Variants in SOS1 observed in about 807,000 individuals in gnomAD.
SOS1 encodes the protein SOS Ras/Rac guanine nucleotide exchange factor 1.
In SOS1, 25 loss-of-function variants were observed where a neutral mutation model predicts 157.6. The observed-to-expected ratio is 0.16, with a 90% CI of 0.12 to 0.22. SOS1 has a LOEUF of 0.22. Ranked by LOEUF, SOS1 falls within the 10% of genes least tolerant of loss-of-function variation. SOS1 has a pLI of 1.00. For synonymous variants in SOS1, 528 were observed against 534.0 expected (o/e 0.99, Z 0.16); for missense variants, 1,237 against 1,599.1 (o/e 0.77, Z 3.86).
intron 19 of SOS1, among the ~76,000 whole-genome samples, chr2:38,996,339 C>T (rs1668890854): frequency 6.6e-6 from 1 of 152,222 alleles, no homozygotes; most frequent in Admixed American, 6.5e-5. Context: ...ATCCACCCGC[C>T]TCAGCTTCCC....
chr2:39,032,284 C>T (rs539441543), intron 8 of SOS1, among the ~76,000 whole-genome samples: 46 of 152,270 alleles, frequency 3.0e-4, no homozygotes, highest in Non-Finnish European at 5.3e-4. Flanking sequence ...TCTCCCTACT[C>T]CCCTACCCTC....
intron 1 of SOS1, among the ~76,000 whole-genome samples, chr2:39,118,176 G>T (rs1342024827): frequency 2.0e-5 from 3 of 152,218 alleles, no homozygotes; most frequent in African/African-American, 7.2e-5. Flanking sequence ...GACAGTTCAG[G>T]TTGAGTGAGT....
intron 4 of SOS1, among the ~76,000 whole-genome samples, 179 bp downstream of exon 4, chr2:39,056,523 T>G (rs1671218664): frequency 6.6e-6 from 1 of 152,240 alleles, no homozygotes; most frequent in Non-Finnish European, 1.5e-5. Context: ...TAAACACATT[T>G]TAATATTATA....
chr2:39,004,673 G>C (rs1273355334), intron 17 of SOS1, among the ~76,000 whole-genome samples: 2 of 152,044 alleles, frequency 1.3e-5, no homozygotes, highest in Non-Finnish European at 2.9e-5. Flanking sequence ...AGAAAGGACA[G>C]ATGGTAGAAT....
At chr2:39,044,864 G>GCGCACACC (rs147443441) in intron 6 of SOS1, among the ~76,000 whole-genome samples, 1 of 147,660 alleles carries the variant, frequency 6.8e-6, no homozygotes, top group East Asian at 2.0e-4. Context: ...GCGCGCGCGC[G>GCGCACACC]CACACACACA....
At chr2:38,995,959 C>G (rs1291516495) in intron 19 of SOS1, among the ~76,000 whole-genome samples, 1 of 152,004 alleles carries the variant, frequency 6.6e-6, no homozygotes, top group Non-Finnish European at 1.5e-5. Flanking sequence ...ATTTTTAATC[C>G]ATCTTATTAA....
At chr2:39,058,596 A>G in intron 3 of SOS1, 77 bp downstream of exon 3, 1 of 1,467,010 alleles carries the variant, frequency 6.8e-7, no homozygotes, top group East Asian at 2.3e-5. Flanking sequence ...ATTATCCATA[A>G]AATATATTCT....
In SOS1 at chr2:38,989,327, A is replaced by C. The variant is rs1668656761; in HGVS notation, c.3347-13T>G. The C allele has an allele frequency of 6.3e-7, 1 of 1,594,698 alleles. No homozygotes were observed. Among genetic ancestry groups the C allele is most frequent in the South Asian group, 1.1e-5 (1 of 90,674 alleles). ...ACGGTATCATTGCCTGTGAAAGGAA[A>C]CAAGAAAAAGTAGATTTTTTTCTTT... On this transcript the variant is annotated splice_polypyrimidine_tract_variant and intron_variant, in intron 20 of 22. Transcript: ENST00000402219.
At chr2:39,049,716 T>C (rs1670929129) in intron 6 of SOS1, among the ~76,000 whole-genome samples, 1 of 152,224 alleles carries the variant, frequency 6.6e-6, no homozygotes, top group Non-Finnish European at 1.5e-5. Context: ...AACCAGAACC[T>C]GCTCTTAAAA....
In SOS1 at chr2:39,010,043, C is replaced by T. The variant is rs568776503; in HGVS notation, c.2510+541G>A. The stretch of plus-strand genomic sequence containing the variant: ...GAAATAAAATTGCATTGGTCAGGAG[C>T]GATGGCTCACGCCTGTAATCCCAGC... On this transcript the variant is annotated intron_variant, in intron 15 of 22. Coordinates refer to ENST00000402219, the MANE Select transcript of SOS1 (RefSeq NM_005633.4). Among the ~76,000 whole-genome samples the T allele has an allele frequency of 7.2e-5, 11 of 152,068 alleles. No individual in the cohort carries two copies. The East Asian group carries it at 7.7e-4, about 11-fold the overall frequency.
chr2:39,061,140 T>C (rs777630737), intron 2 of SOS1, among the ~76,000 whole-genome samples: 1 of 149,802 alleles, frequency 6.7e-6, no homozygotes, highest in Non-Finnish European at 1.5e-5. Context: ...TAATGAAGCA[T>C]AGCACATTTT....
At chr2:38,997,564 T>G in intron 17 of SOS1, 139 bp from the exon 18 acceptor site, 1 of 570,746 alleles carries the variant, frequency 1.8e-6, no homozygotes, top group East Asian at 2.9e-5. Context: ...TTCCATGATA[T>G]GAAAACAGCA....
At chr2:39,077,445 A>G (rs918727396) in intron 1 of SOS1, among the ~76,000 whole-genome samples, 12 of 152,190 alleles carry the variant, frequency 7.9e-5, no homozygotes, top group Non-Finnish European at 1.6e-4. Flanking sequence ...CAATTGTCCT[A>G]TACTCTAAAC....
At chr2:39,113,833 C>A (rs1286747560) in intron 1 of SOS1, among the ~76,000 whole-genome samples, 1 of 152,198 alleles carries the variant, frequency 6.6e-6, no homozygotes, top group Non-Finnish European at 1.5e-5. Flanking sequence ...AAATGTCTTA[C>A]CCAATCTTGA....
chr2:38,993,733 C>T (rs951359148), intron 20 of SOS1: 1 of 152,134 alleles, frequency 6.6e-6, no homozygotes, highest in Admixed American at 6.5e-5. Flanking sequence ...ATTCTAACTT[C>T]GAGGTTAGTG....
intron 1 of SOS1, among the ~76,000 whole-genome samples, chr2:39,068,685 T>C (rs1365302570): frequency 6.6e-6 from 1 of 151,164 alleles, no homozygotes; most frequent in Non-Finnish European, 1.5e-5. Flanking sequence ...TCCTCAACCA[T>C]TTCTTTAATT....
At chr2:39,101,871 G>A (rs548148963) in intron 1 of SOS1, among the ~76,000 whole-genome samples, 1 of 152,014 alleles carries the variant, frequency 6.6e-6, no homozygotes, top group Non-Finnish European at 1.5e-5. Flanking sequence ...TTTATGACCT[G>A]CCTATGTATT....
chr2:38,986,461 AT>A, intron 22 of SOS1, 146 bp from the exon 23 acceptor site: 3 of 824,700 alleles, frequency 3.6e-6, no homozygotes, highest in Non-Finnish European at 3.6e-6. Flanking sequence ...TTTCTTTTTA[AT>A]TAAAAAAAAA....
At chr2:39,012,384 T>C (rs1228250439) in intron 13 of SOS1, 36 bp from the exon 14 acceptor site, 1 of 920,600 alleles carries the variant, frequency 1.1e-6, no homozygotes, top group African/African-American at 1.7e-5. Flanking sequence ...CATTTAAATA[T>C]TCTTTATTTA....
Sources: allele counts gnomAD v4.1 joint callset (sites outside exome capture counted in the v4.1 genomes callset), GRCh38; gene constraint gnomAD v4.1.1; transcripts MANE v1.5; gene names NCBI Gene and HGNC (gene_info 2026-07-23, HGNC 2026-07-21).